Variants in RNF13 observed in about 807,000 individuals in gnomAD.
RNF13 encodes the protein E3 ubiquitin-protein ligase RNF13.
RNF13 carries 19 observed loss-of-function variants against 37.7 expected under a neutral mutation model. The observed-to-expected ratio is 0.50, with a 90% CI of 0.35 to 0.74. The LOEUF (loss-of-function observed/expected upper bound fraction) is 0.74, where lower values mean the gene tolerates loss of function less well. RNF13 is among the 30% of genes least tolerant of loss of function. The pLI is 0.01. For missense variants in RNF13, 375 were observed against 453.0 expected, an observed-to-expected ratio of 0.83 and a Z score of 1.56; for synonymous variants, 144 against 157.8, an observed-to-expected ratio of 0.91 and a Z score of 0.65.
intron 8 of RNF13, among the ~76,000 whole-genome samples, chr3:149,941,721 T>C (rs1311107177): frequency 6.6e-6 from 1 of 151,894 alleles, no homozygotes; most frequent in East Asian, 1.9e-4. Context: ...TTTTCTTTTG[T>C]TGCCTGTGCT....
At chr3:149,947,072 G>T (rs1222654788) in intron 8 of RNF13, among the ~76,000 whole-genome samples, 1 of 151,858 alleles carries the variant, frequency 6.6e-6, no homozygotes, top group African/African-American at 2.4e-5. Context: ...GGATTTGCCT[G>T]TTTTTTGTTT....
intron 5 of RNF13, among the ~76,000 whole-genome samples, chr3:149,896,515 T>C (rs1407925259): frequency 6.6e-6 from 1 of 151,862 alleles, no homozygotes. Flanking sequence ...GTTTCACTCT[T>C]GTTGCCCAGG....
Position 149,871,124 on chromosome 3 carries a change from T to C in RNF13, c.196-905T>C, listed in dbSNP as rs185000524. 3.3e-3 allele frequency among the ~76,000 whole-genome samples: 485 copies of C among 149,116 alleles called. 5 individuals are homozygous for C. Among genetic ancestry groups the C allele is most frequent in the African/African-American group, 0.012 (467 of 40,578 alleles). On this transcript the variant is annotated intron_variant, in intron 3 of 9. Transcript: ENST00000392894. Reference sequence around the variant, plus strand: ...TGGCAGAATCTTGACTCACTGCAACTTCCACCTCCTGGGTTCAAGCCATTC... The same window carrying C: ...TGGCAGAATCTTGACTCACTGCAACCTCCACCTCCTGGGTTCAAGCCATTC...
At position 149,960,892 on chromosome 3, in the gene RNF13, C is replaced by T. The variant is rs769841552; in HGVS notation, c.934C>T (p.Leu312=). ...ENEVTEHTPL[L]RPLASVSAQS... is the part of the protein sequence containing the mutation. ...TGAAGTGACAGAACATACCCCTTTA[C>T]TGAGACCTTTAGCTTCTGTCAGTGC... The change falls in exon 10 of 10, where the codon CTG becomes TTG. Residue 312 remains leucine (L), a synonymous_variant. Coordinates refer to ENST00000392894, the MANE Select transcript of RNF13 (RefSeq NM_183381.3). The T allele has an allele frequency of 2.5e-6, 4 of 1,614,206 alleles. No individual in the cohort carries two copies. In the Admixed American group the frequency reaches 6.7e-5, roughly 27 times the overall value.
intron 8 of RNF13, chr3:149,959,842 GTAA>G: frequency 2.5e-6 from 1 of 397,656 alleles, no homozygotes; most frequent in South Asian, 5.2e-5. Context: ...GATAATCAAG[GTAA>G]ACAAATTTGT....
chr3:149,819,378 G>C (rs1719804011), intron 1 of RNF13, among the ~76,000 whole-genome samples: 1 of 152,086 alleles, frequency 6.6e-6, no homozygotes, highest in Non-Finnish European at 1.5e-5. Context: ...TTCCCCCATT[G>C]CCATTATGTA....
intron 4 of RNF13, among the ~76,000 whole-genome samples, chr3:149,891,201 C>T (rs879638338): frequency 6.6e-6 from 1 of 152,136 alleles, no homozygotes; most frequent in Non-Finnish European, 1.5e-5. Context: ...CCTATCTTTC[C>T]TCATTTCTAA....
At chr3:149,960,430 A>T (rs1038655032) in intron 9 of RNF13, among the ~76,000 whole-genome samples, 1 of 152,026 alleles carries the variant, frequency 6.6e-6, no homozygotes, top group African/African-American at 2.4e-5. Flanking sequence ...TCTCTACTAA[A>T]AATACAAAAA....
At chr3:149,954,534 A>T (rs973409428) in intron 8 of RNF13, among the ~76,000 whole-genome samples, 1 of 152,208 alleles carries the variant, frequency 6.6e-6, no homozygotes, top group African/African-American at 2.4e-5. Flanking sequence ...ACCAAAAAGA[A>T]TTTGGCATTT....
chr3:149,872,116 G>C lies in RNF13; in HGVS notation c.283G>C (p.Val95Leu), dbSNP rs146907927. The C allele has an allele frequency of 1.8e-4, 294 of 1,596,114 alleles. No homozygotes were observed. In the African/African-American group the frequency reaches 2.1e-3, roughly 11 times the overall value. The change falls in exon 4 of 10, where the codon GTG (valine) becomes CTG (leucine). Residue 95 changes from valine (V) to leucine (L), a missense_variant. Transcript: ENST00000392894. ...AGACAATTCATCTGGCACTTTCATC[G>C]TGTTAATTAGAAGACTTGATTGTAA... ...VKDNSSGTFIVLIRRLDCNFD... is the reference protein window; with the variant it reads ...VKDNSSGTFILLIRRLDCNFD...
chr3:149,953,215 C>G (rs1721512730), intron 8 of RNF13, among the ~76,000 whole-genome samples: 1 of 152,018 alleles, frequency 6.6e-6, no homozygotes, highest in South Asian at 2.1e-4. Context: ...TTTATGGCCT[C>G]TAAGACAATC....
chr3:149,888,786 T>C (rs1188850167), intron 4 of RNF13, among the ~76,000 whole-genome samples: 1 of 152,232 alleles, frequency 6.6e-6, no homozygotes, highest in Non-Finnish European at 1.5e-5. Flanking sequence ...TATACACATG[T>C]CTGCTTATTT....
At chr3:149,904,707 G>A (rs1716214851) in intron 6 of RNF13, among the ~76,000 whole-genome samples, 1 of 152,040 alleles carries the variant, frequency 6.6e-6, no homozygotes, top group Non-Finnish European at 1.5e-5. Flanking sequence ...TATATTCAGA[G>A]AAGTTCAGAT....
chr3:149,838,219 G>A (rs757684047), intron 1 of RNF13, among the ~76,000 whole-genome samples: 63 of 152,302 alleles, frequency 4.1e-4, no homozygotes, highest in Non-Finnish European at 2.9e-4. Context: ...ATGGGCTGGC[G>A]TTGAGTGTCT....
intron 3 of RNF13, among the ~76,000 whole-genome samples, chr3:149,869,398 G>T (rs553545151): frequency 2.6e-5 from 4 of 151,820 alleles, no homozygotes; most frequent in African/African-American, 7.2e-5. Flanking sequence ...AAGGTCAGGA[G>T]ATCGAGACCA....
intron 8 of RNF13, 45 bp downstream of exon 8, chr3:149,921,272 C>A: frequency 2.3e-6 from 2 of 879,900 alleles, no homozygotes; most frequent in Non-Finnish European, 3.3e-6. Flanking sequence ...TTATTTAAGA[C>A]TGCAGGGTGA....
At chr3:149,829,004 G>A (rs990445560) in intron 1 of RNF13, among the ~76,000 whole-genome samples, 16 of 152,232 alleles carry the variant, frequency 1.1e-4, no homozygotes, top group African/African-American at 2.2e-4. Context: ...ATAGATGACC[G>A]GATCACATCT....
chr3:149,932,365 A>G (rs781246630), intron 8 of RNF13, among the ~76,000 whole-genome samples: 1 of 152,154 alleles, frequency 6.6e-6, no homozygotes, highest in Non-Finnish European at 1.5e-5. Flanking sequence ...AGTACAATAC[A>G]ATCATCTCTT....
chr3:149,853,432 CTG>C (rs1187529094), intron 3 of RNF13, among the ~76,000 whole-genome samples: 1 of 123,556 alleles, frequency 8.1e-6, no homozygotes, highest in Non-Finnish European at 1.7e-5. Context: ...ATATTTTTTG[CTG>C]TGTGTGTGAG....
Sources: gnomAD v4.1 joint callset for allele counts (sites outside exome capture counted in the v4.1 genomes callset) on GRCh38, gnomAD v4.1.1 for gene constraint, MANE v1.5 for transcripts, NCBI Gene and HGNC (gene_info 2026-07-23, HGNC 2026-07-21) for gene names.